The following TMEM116 variants were observed in gnomAD, a reference collection of about 807,000 sequenced individuals.
TMEM116 encodes transmembrane protein 116.
A neutral mutation model predicts 44.3 loss-of-function variants in TMEM116; 38 were observed. The ratio of observed to expected loss-of-function variants is 0.86; its 90% CI spans 0.66 to 1.12. The LOEUF (loss-of-function observed/expected upper bound fraction) is 1.12, where lower values mean the gene tolerates loss of function less well. TMEM116 is among the 50% of genes most tolerant of loss of function. TMEM116 has a pLI of 0.00. For synonymous variants in TMEM116, 132 were observed against 144.8 expected, an observed-to-expected ratio of 0.91 and a Z score of 0.64; for missense variants, 354 against 401.7, an observed-to-expected ratio of 0.88 and a Z score of 1.01.
intron 5 of TMEM116, 121 bp downstream of exon 5, chr12:111,943,144 G>A (rs2073000979): frequency 1.2e-5 from 9 of 777,284 alleles, no homozygotes; most frequent in Middle Eastern, 2.5e-4. Flanking sequence ...GACTGGCCTC[G>A]AATTCCTGGG....
At position 112,001,092 on chromosome 12, in the gene TMEM116, C is replaced by G. The variant is rs12424505; in HGVS notation, c.78+2708G>C. 5 of 173,414 alleles carry G rather than the reference C, an allele frequency of 2.9e-5. No homozygotes were observed. In the Admixed American group the frequency reaches 3.1e-4, roughly 11 times the overall value. 10.7% of individuals were successfully genotyped at this position (173,414 alleles called of 1,614,324 possible). A position where few individuals can be genotyped will look rare whatever the true frequency, so the allele number is the denominator to read the frequency against. ...CTCTCTATCTGTCTTTAATTTAAAC[C>G]ACGGGCAGAATAACCAAGAGCTCTC... On this transcript the variant is annotated intron_variant, in intron 3 of 10. Transcript: ENST00000552374.
chr12:112,012,054 A>AGCG (rs1192323327), intron 1 of TMEM116: 1 of 152,292 alleles, frequency 6.6e-6, no homozygotes, highest in Non-Finnish European at 1.5e-5. Flanking sequence ...AATAAAAAAG[A>AGCG]GCGGCAGCAG....
chr12:111,971,701 T>C (rs1264363723), intron 4 of TMEM116, among the ~76,000 whole-genome samples: 2 of 152,180 alleles, frequency 1.3e-5, no homozygotes, highest in Non-Finnish European at 2.9e-5. Flanking sequence ...GTATTAAAGA[T>C]TGTCAGACTG....
chr12:111,970,780 G>C (rs894962683), intron 4 of TMEM116, among the ~76,000 whole-genome samples: 1 of 151,868 alleles, frequency 6.6e-6, no homozygotes, highest in South Asian at 2.1e-4. Context: ...AGTGGAGATG[G>C]GGTTTCACCG....
chr12:111,999,543 G>A (rs1292519758), intron 3 of TMEM116, among the ~76,000 whole-genome samples: 3 of 151,680 alleles, frequency 2.0e-5, no homozygotes, highest in Non-Finnish European at 4.4e-5. Flanking sequence ...AGGTTGCAGT[G>A]AGCTGAGACT....
At chr12:112,009,535 T>TAAAAA (rs35585213) in intron 1 of TMEM116, among the ~76,000 whole-genome samples, 5 of 125,786 alleles carry the variant, frequency 4.0e-5, no homozygotes, top group African/African-American at 1.2e-4. Flanking sequence ...TGGGTTTACT[T>TAAAAA]AAAAAAAAAA....
chr12:111,992,272 T>C (rs1480401005), intron 3 of TMEM116, among the ~76,000 whole-genome samples: 2 of 150,258 alleles, frequency 1.3e-5, no homozygotes, highest in African/African-American at 4.9e-5. Context: ...TCTTCTACTT[T>C]TTTTTTTTTT....
At chr12:111,939,842 A>G (rs1382213623) in intron 5 of TMEM116, among the ~76,000 whole-genome samples, 1 of 151,556 alleles carries the variant, frequency 6.6e-6, no homozygotes, top group Non-Finnish European at 1.5e-5. Flanking sequence ...AAATAAAAAG[A>G]AAAGAAAACC....
At chr12:111,968,800 C>G (rs528550117) in intron 4 of TMEM116, among the ~76,000 whole-genome samples, 32 of 151,750 alleles carry the variant, frequency 2.1e-4, no homozygotes, top group Non-Finnish European at 3.1e-4. Flanking sequence ...CTAGACTAGC[C>G]TGACCAATAT....
rs761827347 is a variant in TMEM116, at chr12:111,937,207, A to G, written c.402T>C (p.Cys134=). 1 of 1,613,946 alleles carries G rather than the reference A, an allele frequency of 6.2e-7. No homozygotes were observed. The highest frequency in any genetic ancestry group is 1.1e-5 in the South Asian group (1 of 91,076). The change falls in exon 7 of 11, where the codon TGT becomes TGC. Residue 134 remains cysteine (C), a synonymous_variant. Coordinates refer to ENST00000552374, the MANE Select transcript of TMEM116 (RefSeq NM_001193531.2). The part of the protein sequence containing the change: ...IPLLLMTPVF[C]LGNTSECFQN... ...GGAAACATTCACTAGTATTTCCCAGACAGAATACAGGTGTCATCAATAGCA... is the reference window on the plus strand; with the variant it reads ...GGAAACATTCACTAGTATTTCCCAGGCAGAATACAGGTGTCATCAATAGCA...
intron 2 of TMEM116, 107 bp from the exon 3 acceptor site, chr12:112,003,970 T>C (rs1479802481): frequency 1.5e-6 from 2 of 1,366,126 alleles, no homozygotes; most frequent in Admixed American, 3.8e-5. Context: ...ATAATTGATA[T>C]AAAATAAACT....
chr12:111,931,843 G>A lies in TMEM116; in HGVS notation c.808-16C>T. The A allele has an allele frequency of 6.8e-7, 1 of 1,481,250 alleles. No individual in the cohort carries two copies. 91.8% of individuals were successfully genotyped at this position (1,481,250 alleles called of 1,614,324 possible). Reference sequence around the variant, plus strand: ...CCGTTAGAGCCTGGAGGAGATGAAGGGGTGATGCAGCCCATGCTTCAGGTT... The same window carrying A: ...CCGTTAGAGCCTGGAGGAGATGAAGAGGTGATGCAGCCCATGCTTCAGGTT... On this transcript the variant is annotated splice_polypyrimidine_tract_variant and intron_variant, in intron 10 of 10. Transcript: ENST00000552374.
chr12:111,965,427 G>A (rs1269267182), intron 4 of TMEM116, among the ~76,000 whole-genome samples: 1 of 152,116 alleles, frequency 6.6e-6, no homozygotes, highest in Non-Finnish European at 1.5e-5. Flanking sequence ...TTGGTCTCCA[G>A]ATCTTTAAAG....
intron 4 of TMEM116, among the ~76,000 whole-genome samples, chr12:111,986,256 G>T (rs966544102): frequency 7.2e-5 from 11 of 152,190 alleles, no homozygotes; most frequent in African/African-American, 2.6e-4. Context: ...CTACTCAGAA[G>T]GCTGAGACAG....
chr12:111,953,586 C>G (rs1396179299), intron 4 of TMEM116, among the ~76,000 whole-genome samples: 1 of 152,186 alleles, frequency 6.6e-6, no homozygotes, highest in African/African-American at 2.4e-5. Flanking sequence ...ACCTTACACA[C>G]ACAAAAAGTA....
At position 111,932,671 on chromosome 12, in the gene TMEM116, C is replaced by T. The variant is rs753184319; in HGVS notation, c.734-12G>A. ...CATTAGAATGACAGCTGTGAATACA[C>T]AAAGTGTAAACCTTCTTGTCAGCCC... is the stretch of plus-strand genomic sequence containing the variant. On this transcript the variant is annotated splice_polypyrimidine_tract_variant and intron_variant, in intron 9 of 10. Transcript: ENST00000552374. 4 of 1,612,252 alleles carry T rather than the reference C, an allele frequency of 2.5e-6. No individual in the cohort carries two copies. Among genetic ancestry groups the T allele is most frequent in the Non-Finnish European group, 1.7e-6 (2 of 1,178,418 alleles).
At chr12:111,996,314 G>C (rs188866914) in intron 3 of TMEM116, among the ~76,000 whole-genome samples, 65 of 152,110 alleles carry the variant, frequency 4.3e-4, no homozygotes, top group Admixed American at 1.2e-3. Context: ...ACATATAACT[G>C]ACAAAGGATC....
At chr12:111,995,483 T>A (rs190539299) in intron 3 of TMEM116, among the ~76,000 whole-genome samples, 1 of 152,092 alleles carries the variant, frequency 6.6e-6, no homozygotes, top group African/African-American at 2.4e-5. Flanking sequence ...GTGGCTCACG[T>A]CTGTAATCTC....
At chr12:111,970,056 C>T (rs961162429) in intron 4 of TMEM116, among the ~76,000 whole-genome samples, 2 of 151,854 alleles carry the variant, frequency 1.3e-5, no homozygotes, top group Non-Finnish European at 2.9e-5. Flanking sequence ...CACTTGAGGT[C>T]AGGAGTTCAA....
Sources: gnomAD v4.1 joint callset for allele counts (sites outside exome capture counted in the v4.1 genomes callset) on GRCh38, gnomAD v4.1.1 for gene constraint, MANE v1.5 for transcripts, NCBI Gene and HGNC (gene_info 2026-07-23, HGNC 2026-07-21) for gene names.